Variants in PRDM15 observed in about 807,000 individuals in gnomAD.
The protein encoded by PRDM15 is PR domain zinc finger protein 15.
A neutral mutation model predicts 128.6 loss-of-function variants in PRDM15; 64 were observed. The ratio of observed to expected loss-of-function variants is 0.50; its 90% CI spans 0.41 to 0.61. PRDM15 has a LOEUF of 0.61. Among genes scored for constraint, PRDM15 ranks in the 20% least tolerant of loss-of-function variants. The pLI is 0.00. For synonymous variants in PRDM15, 615 were observed against 621.8 expected (o/e 0.99, Z 0.16); for missense variants, 1,242 against 1,569.1 (o/e 0.79, Z 3.52).
intron 1 of PRDM15, among the ~76,000 whole-genome samples, chr21:41,877,017 C>T (rs1443752868): frequency 6.6e-6 from 1 of 152,126 alleles, no homozygotes; most frequent in Non-Finnish European, 1.5e-5. Flanking sequence ...GCCCCTGCTG[C>T]CCCACCTCCA....
At position 41,854,445 on chromosome 21, in the gene PRDM15, C is replaced by A; in HGVS notation, c.538+121G>T. 7.7e-7 allele frequency: 1 copy of A among 1,296,584 alleles called. No individual in the cohort carries two copies. 80.3% of individuals were successfully genotyped at this position (1,296,584 alleles called of 1,614,324 possible). A position where few individuals can be genotyped will look rare whatever the true frequency, so the allele number is the denominator to read the frequency against. On this transcript the variant is annotated intron_variant, in intron 5 of 23. Transcript: ENST00000398548. The surrounding 1 kb of genome is among the most constrained non-coding windows in gnomAD (Gnocchi z 4.6). The stretch of plus-strand genomic sequence containing the variant: ...TCTCCACTCCTCCACTCTCCGCATC[C>A]CAGCAGCTGGCCCAGCCCAACCCAT...
chr21:41,798,922 C>G lies in PRDM15; in HGVS notation c.*2318G>C, dbSNP rs897376057. The G allele has an allele frequency of 6.6e-6, 1 of 152,030 alleles. No homozygotes were observed. The highest frequency in any genetic ancestry group is 1.5e-5 in the Non-Finnish European group (1 of 68,026). 9.4% of individuals were successfully genotyped at this position (152,030 alleles called of 1,614,324 possible). ...AACCCATTTTGCCTCAGACAGTGAC[C>G]CTATTAAGACCACGTATGTTTACAG... On this transcript the variant is annotated 3_prime_UTR_variant, in exon 24 of 24. Coordinates refer to ENST00000398548, the MANE Select transcript of PRDM15 (RefSeq NM_001040424.3).
rs1307061623 is a variant in PRDM15 at position 41,815,561 on chromosome 21, C to A, written c.2392+144G>T. Reference sequence around the variant, plus strand: ...GATATGCAGCTGCTCACCCCGGCCCCAGGAAGCTCTCTTGGGGAACCCGGC... The same window carrying A: ...GATATGCAGCTGCTCACCCCGGCCCAAGGAAGCTCTCTTGGGGAACCCGGC... On this transcript the variant is annotated intron_variant, in intron 19 of 23. Coordinates refer to ENST00000398548, the MANE Select transcript of PRDM15 (RefSeq NM_001040424.3). 5.3e-6 allele frequency: 6 copies of A among 1,132,344 alleles called. No homozygotes were observed. In the East Asian group the frequency reaches 1.0e-4, roughly 19 times the overall value. 70.1% of individuals were successfully genotyped at this position (1,132,344 alleles called of 1,614,324 possible).
At chr21:41,817,017 GAA>G (rs1290241280) in intron 18 of PRDM15, among the ~76,000 whole-genome samples, 1 of 151,924 alleles carries the variant, frequency 6.6e-6, no homozygotes, top group Non-Finnish European at 1.5e-5. Flanking sequence ...AGAAAACCCA[GAA>G]AATACAGAAG....
chr21:41,854,786 G>A lies in PRDM15; in HGVS notation c.318C>T (p.Phe106=), dbSNP rs141612018. 4.9e-5 allele frequency: 78 copies of A among 1,607,188 alleles called. No homozygotes were observed. In the African/African-American group the frequency reaches 8.0e-4, roughly 17 times the overall value. Residue 106 remains phenylalanine, a synonymous_variant, in exon 5 of 24, where the codon TTC becomes TTT. Coordinates refer to ENST00000398548, the MANE Select transcript of PRDM15 (RefSeq NM_001040424.3). The surrounding 1 kb of genome is among the most constrained non-coding windows in gnomAD (Gnocchi z 4.6). ...TGCAGTCATCCTCGTTGGAGGTGTC[G>A]AAGCACACGGGGTGCCCGTCCTTCT... The part of the protein sequence containing the change: ...VFQKDGHPVC[F]DTSNEDDCNW...
At chr21:41,834,086 T>G (rs530659678) in intron 11 of PRDM15, among the ~76,000 whole-genome samples, 82 of 152,144 alleles carry the variant, frequency 5.4e-4, no homozygotes, top group African/African-American at 1.7e-3. Context: ...ATGCAGGAGG[T>G]GCGGCACACT....
intron 23 of PRDM15, among the ~76,000 whole-genome samples, chr21:41,802,452 C>T (rs2061440305): frequency 1.3e-5 from 2 of 152,204 alleles, no homozygotes; most frequent in East Asian, 3.8e-4. Context: ...CTAATTGCCA[C>T]CCGGGCAGGG....
At chr21:41,806,030 C>T (rs796331724) in intron 21 of PRDM15, among the ~76,000 whole-genome samples, 63 of 33,068 alleles carry the variant, frequency 1.9e-3, no homozygotes, top group African/African-American at 2.6e-3. Context: ...ACCACCACCA[C>T]CATCACCACC....
intron 11 of PRDM15, among the ~76,000 whole-genome samples, chr21:41,834,089 G>A (rs1273900469): frequency 6.6e-6 from 1 of 152,164 alleles, no homozygotes; most frequent in Non-Finnish European, 1.5e-5. Flanking sequence ...CAGGAGGTGC[G>A]GCACACTGGA....
chr21:41,874,072 A>G (rs111232746), intron 1 of PRDM15, among the ~76,000 whole-genome samples: 4,404 of 88,638 alleles, frequency 0.05, 99 homozygotes, highest in Middle Eastern at 0.06. Context: ...TGTCTCGGGA[A>G]AAAAAAAAAA....
rs1184436615 is a variant in PRDM15 at position 41,828,034 on chromosome 21, G to A, written c.1534+132C>T. ...AAGAGGATGAGCCCATCGGATGGCG[G>A]GCGTTTCCAGGCAAAGGAGCAGGCG... is the stretch of plus-strand genomic sequence containing the variant. On this transcript the variant is annotated intron_variant, in intron 12 of 23. Coordinates refer to ENST00000398548, the MANE Select transcript of PRDM15 (RefSeq NM_001040424.3). This position sits in a 1 kb window ranked among gnomAD's most constrained non-coding sequence, Gnocchi z 5.7. 7.2e-6 allele frequency: 6 copies of A among 835,532 alleles called. No homozygotes were observed. Among genetic ancestry groups the A allele is most frequent in the Non-Finnish European group, 1.1e-5 (6 of 529,388 alleles). 51.8% of individuals were successfully genotyped at this position (835,532 alleles called of 1,614,324 possible). A position where few individuals can be genotyped will look rare whatever the true frequency, so the allele number is the denominator to read the frequency against.
intron 1 of PRDM15, among the ~76,000 whole-genome samples, chr21:41,868,076 A>C (rs1295651372): frequency 6.6e-6 from 1 of 152,080 alleles, no homozygotes; most frequent in Non-Finnish European, 1.5e-5. Flanking sequence ...AAATGAAATC[A>C]GACAGCCTGT....
At position 41,832,699 on chromosome 21, in the gene PRDM15, G is replaced by A. The variant is rs1245119049; in HGVS notation, c.1366+2738C>T. Among the ~76,000 whole-genome samples the A allele has an allele frequency of 3.9e-5, 6 of 152,228 alleles. No individual in the cohort carries two copies. In the East Asian group the frequency reaches 9.7e-4, roughly 24 times the overall value. On this transcript the variant is annotated intron_variant, in intron 11 of 23. Coordinates refer to ENST00000398548, the MANE Select transcript of PRDM15 (RefSeq NM_001040424.3). This position sits in a 1 kb window ranked among gnomAD's most constrained non-coding sequence, Gnocchi z 4.2. The stretch of plus-strand genomic sequence containing the variant: ...CCCAGGCAGGTACCAACCAATACAA[G>A]TGAGCCCCCCTCCCAGGCAGGTGCA...
chr21:41,878,838 CG>C, intron 1 of PRDM15: 2 of 917,820 alleles, frequency 2.2e-6, no homozygotes, highest in Non-Finnish European at 2.5e-6. Context: ...GCCGCGGGGC[CG>C]CGGGCCGGGG....
Position 41,802,696 on chromosome 21 carries a change from A to G in PRDM15, c.2943+16T>C, listed in dbSNP as rs75505686. ...AGTGACCGGCACCTAATCAGAACAT[A>G]AAGCAGCAAACTGACCTGCTGAATG... On this transcript the variant is annotated intron_variant, in intron 23 of 23. Transcript: ENST00000398548. 7,010 of 1,610,714 alleles carry G rather than the reference A, an allele frequency of 4.4e-3. 255 individuals are homozygous for G. The African/African-American group carries it at 0.08, about 18-fold the overall frequency.
In PRDM15 at chr21:41,859,175, C is replaced by A; in HGVS notation, c.131+417G>T. 1 of 1,614,030 alleles carries A rather than the reference C, an allele frequency of 6.2e-7. No homozygotes were observed. The highest frequency in any genetic ancestry group is 8.5e-7 in the Non-Finnish European group (1 of 1,180,012). On this transcript the variant is annotated intron_variant, in intron 3 of 23. Coordinates refer to ENST00000398548, the MANE Select transcript of PRDM15 (RefSeq NM_001040424.3). The surrounding 1 kb of genome is among the most constrained non-coding windows in gnomAD (Gnocchi z 5.3). ...GTCAGCCCTGTCCCTGTCCTCATAA[C>A]CCCGCATCCCCTGCCCCGCCTGGGT...
chr21:41,847,980 G>A (rs78833267), intron 5 of PRDM15, among the ~76,000 whole-genome samples: 1,940 of 152,308 alleles, frequency 0.013, 48 homozygotes, highest in African/African-American at 0.044. Context: ...ACAATTGGGA[G>A]GCGTTTTAAG....
rs2063729979 is a variant in PRDM15 at position 41,859,075 on chromosome 21, G to T, written c.131+517C>A. 1 of 1,579,326 alleles carries T rather than the reference G, an allele frequency of 6.3e-7. No individual in the cohort carries two copies. The highest frequency in any genetic ancestry group is 1.9e-5 in the Admixed American group (1 of 53,956). On this transcript the variant is annotated intron_variant, in intron 3 of 23. Coordinates refer to ENST00000398548, the MANE Select transcript of PRDM15 (RefSeq NM_001040424.3). The surrounding 1 kb of genome is among the most constrained non-coding windows in gnomAD (Gnocchi z 5.3). Reference sequence around the variant, plus strand: ...GGCACAGCCTCCCCCAGGTGAGGGTGGAACGGCAGGGCAGCTGCTGCCCAC... The same window carrying T: ...GGCACAGCCTCCCCCAGGTGAGGGTTGAACGGCAGGGCAGCTGCTGCCCAC...
chr21:41,879,105 C>T lies in PRDM15; in HGVS notation c.-10+165G>A. 3 of 1,102,974 alleles carry T rather than the reference C, an allele frequency of 2.7e-6. No homozygotes were observed. Among genetic ancestry groups the T allele is most frequent in the Non-Finnish European group, 3.4e-6 (3 of 883,230 alleles). The allele number at this position is 1,102,974 out of a possible 1,614,324, so 68.3% of individuals were successfully genotyped here. A position where few individuals can be genotyped will look rare whatever the true frequency, so the allele number is the denominator to read the frequency against. Reference sequence around the variant, plus strand: ...CGCAGCCGGCGAATGTAACAAAGAACAGTCGGCATGGCGGCTGGACCGGGG... The same window carrying T: ...CGCAGCCGGCGAATGTAACAAAGAATAGTCGGCATGGCGGCTGGACCGGGG... On this transcript the variant is annotated intron_variant, in intron 1 of 23. Transcript: ENST00000398548. The surrounding 1 kb of genome is among the most constrained non-coding windows in gnomAD (Gnocchi z 5.1).
Sources: allele counts gnomAD v4.1 joint callset (sites outside exome capture counted in the v4.1 genomes callset), GRCh38; gene constraint gnomAD v4.1.1; non-coding constraint Gnocchi (gnomAD v3.1); transcripts MANE v1.5; gene names NCBI Gene and HGNC (gene_info 2026-07-23, HGNC 2026-07-21).